The following DMD variants were observed in gnomAD, a reference collection of about 807,000 sequenced individuals.
DMD encodes the protein dystrophin, also known as mutant dystrophin.
A neutral mutation model predicts 330.1 loss-of-function variants in DMD; 63 were observed. The observed-to-expected ratio is 0.19, with a 90% CI of 0.16 to 0.24. The LOEUF (loss-of-function observed/expected upper bound fraction) is 0.24. Ranked by LOEUF, DMD falls within the 10% of genes least tolerant of loss-of-function variation. The pLI is 1.00. For missense variants in DMD, 3,344 were observed against 2,684.1 expected, an observed-to-expected ratio of 1.25 and a Z score of -5.43; for synonymous variants, 1,223 against 959.8, an observed-to-expected ratio of 1.27 and a Z score of -5.07.
Position 31,196,667 on chromosome X carries a change from A to C in DMD, c.9807+7294T>G, listed in dbSNP as rs760613453. On this transcript the variant is annotated intron_variant, in intron 67 of 78. Coordinates refer to ENST00000357033, the MANE Select transcript of DMD (RefSeq NM_004006.3). The stretch of plus-strand genomic sequence containing the variant: ...GTGAAACCTTCTCTATTAAAAATAC[A>C]AAAATTAGCTGGGCGTGGTGGCACG... Among the ~76,000 whole-genome samples, 10 of 108,262 alleles carry C rather than the reference A, an allele frequency of 9.2e-5. No individual in the cohort carries two copies. In the East Asian group the frequency reaches 2.9e-3, roughly 32 times the overall value. The allele number at this position is 108,262 out of a possible 115,157, so 94.0% of individuals were successfully genotyped here. A position where few individuals can be genotyped will look rare whatever the true frequency, so the allele number is the denominator to read the frequency against.
Position 32,661,096 on chromosome X carries a change from TAA to T in DMD, c.961-15946_961-15945del, listed in dbSNP as rs1276378761. 2.5e-4 allele frequency among the ~76,000 whole-genome samples: 27 copies of T among 108,234 alleles called. No homozygotes were observed. The Admixed American group carries it at 2.5e-3, about 10-fold the overall frequency. 94.0% of individuals were successfully genotyped at this position (108,234 alleles called of 115,157 possible). A position where few individuals can be genotyped will look rare whatever the true frequency, so the allele number is the denominator to read the frequency against. ...TGAAAACCTGTATATTAAAAATTGG[TAA>T]AGTTTATTTCTTTCTTAATTCTTAA... On this transcript the variant is annotated intron_variant, in intron 9 of 78. Coordinates refer to ENST00000357033, the MANE Select transcript of DMD (RefSeq NM_004006.3).
chrX:32,739,372 T>A (rs1370398976), intron 7 of DMD, among the ~76,000 whole-genome samples: 1 of 111,698 alleles, frequency 9.0e-6, no homozygotes, highest in African/African-American at 3.3e-5. Flanking sequence ...GTTTTAGTAT[T>A]CATTTTGGGT....
chrX:33,242,711 C>A (rs1247120130), intron 1 of DMD, among the ~76,000 whole-genome samples: 2 of 111,877 alleles, frequency 1.8e-5, no homozygotes, highest in Non-Finnish European at 3.8e-5. Flanking sequence ...ACATCCCCAC[C>A]AGCAGTGTAG....
chrX:32,348,324 T>C (rs766275644), intron 38 of DMD, 82 bp downstream of exon 38: 10 of 985,662 alleles, frequency 1.0e-5, no homozygotes, highest in Non-Finnish European at 1.4e-5. Flanking sequence ...CTCTGAAAAT[T>C]CAGTTGGAGA....
intron 34 of DMD, among the ~76,000 whole-genome samples, chrX:32,379,516 C>G (rs762567372): frequency 1.8e-5 from 2 of 111,453 alleles, no homozygotes; most frequent in East Asian, 5.7e-4. Flanking sequence ...TCCTGAATAA[C>G]TATAATTCAA....
At chrX:32,728,953 G>A (rs1000722784) in intron 7 of DMD, among the ~76,000 whole-genome samples, 1 of 111,863 alleles carries the variant, frequency 8.9e-6, no homozygotes, top group Non-Finnish European at 1.9e-5. Context: ...TTTACTCAGT[G>A]TCTACCATTT....
At chrX:33,105,154 G>A (rs751223270) in intron 1 of DMD, among the ~76,000 whole-genome samples, 1 of 111,755 alleles carries the variant, frequency 8.9e-6, no homozygotes, top group East Asian at 2.8e-4. Flanking sequence ...CTTCAACAAA[G>A]CATACAAAAA....
chrX:32,995,289 G>A (rs2093089133), intron 2 of DMD, among the ~76,000 whole-genome samples: 2 of 112,140 alleles, frequency 1.8e-5, no homozygotes, highest in African/African-American at 6.5e-5. Context: ...GCCGTATAAA[G>A]CACTCTTTTA....
chrX:32,919,348 A>T (rs2088159984), intron 2 of DMD, among the ~76,000 whole-genome samples: 1 of 111,987 alleles, frequency 8.9e-6, no homozygotes, highest in East Asian at 2.8e-4. Flanking sequence ...TTTTTTGATC[A>T]GGTTGCATGT....
At chrX:32,401,009 G>A (rs1163294576) in intron 30 of DMD, among the ~76,000 whole-genome samples, 2 of 110,481 alleles carry the variant, frequency 1.8e-5, no homozygotes, top group African/African-American at 6.6e-5. Context: ...CCATAAAAAA[G>A]GATGAGTTCA....
intron 50 of DMD, among the ~76,000 whole-genome samples, chrX:31,811,218 T>C (rs1279325420): frequency 8.0e-5 from 9 of 112,511 alleles, no homozygotes; most frequent in Non-Finnish European, 7.5e-5. Flanking sequence ...TACTAAATAC[T>C]AAACAGTAGA....
At chrX:31,796,315 G>A (rs1191420842) in intron 50 of DMD, among the ~76,000 whole-genome samples, 1 of 112,223 alleles carries the variant, frequency 8.9e-6, no homozygotes, top group East Asian at 2.8e-4. Context: ...TAACAAGATC[G>A]AAAGGATTGG....
chrX:32,939,548 T>C (rs1162237091), intron 2 of DMD, among the ~76,000 whole-genome samples: 1 of 111,601 alleles, frequency 9.0e-6, no homozygotes, highest in Non-Finnish European at 1.9e-5. Context: ...ATAAAAACCA[T>C]TAAGTTCATT....
At chrX:32,650,290 G>A (rs1388231843) in intron 9 of DMD, among the ~76,000 whole-genome samples, 1 of 110,995 alleles carries the variant, frequency 9.0e-6, no homozygotes, top group African/African-American at 3.3e-5. Flanking sequence ...CAGTTTTATT[G>A]GTCTTGAATG....
intron 15 of DMD, among the ~76,000 whole-genome samples, chrX:32,568,500 C>G (rs1414462206): frequency 1.1e-5 from 1 of 90,759 alleles, no homozygotes; most frequent in Non-Finnish European, 2.1e-5. Context: ...GAGCAAGACT[C>G]CATCTCAAGA....
intron 76 of DMD, among the ~76,000 whole-genome samples, chrX:31,134,813 C>A (rs1193894269): frequency 8.9e-6 from 1 of 112,308 alleles, no homozygotes; most frequent in Non-Finnish European, 1.9e-5. Flanking sequence ...ACTCTAAATA[C>A]CCTGACTTGA....
chrX:33,291,475 A>T (rs1370683248), intron 1 of DMD, among the ~76,000 whole-genome samples: 1 of 111,561 alleles, frequency 9.0e-6, no homozygotes, highest in Non-Finnish European at 1.9e-5. Context: ...TTTGCAGATG[A>T]CATGGCTGCC....
At chrX:31,131,405 A>ATG (rs935757603) in intron 77 of DMD, among the ~76,000 whole-genome samples, 3 of 111,538 alleles carry the variant, frequency 2.7e-5, no homozygotes, top group Non-Finnish European at 5.7e-5. Flanking sequence ...GACACTGTAA[A>ATG]TGTGTGTGTG....
Position 31,570,836 on chromosome X carries a change from C to T in DMD, c.8217+56837G>A, listed in dbSNP as rs183821005. On this transcript the variant is annotated intron_variant, in intron 55 of 78. Transcript: ENST00000357033. ...AAATGAGCTGACAGTATATGTGTCA[C>T]TTTGAATCACTGGGTATCCTACAGG... Among the ~76,000 whole-genome samples the T allele has an allele frequency of 8.0e-4, 89 of 111,911 alleles. 1 individual carries two copies. Among genetic ancestry groups the T allele is most frequent in the African/African-American group, 2.8e-3 (87 of 30,884 alleles).
Sources: gnomAD v4.1 joint callset for allele counts (sites outside exome capture counted in the v4.1 genomes callset) on GRCh38, gnomAD v4.1.1 for gene constraint, MANE v1.5 for transcripts, NCBI Gene and HGNC (gene_info 2026-07-23, HGNC 2026-07-21) for gene names.